SYNDIG1: variants seen among roughly 807,000 people sequenced by gnomAD.
SYNDIG1 encodes synapse differentiation inducing 1.
Under a neutral mutation model 19.4 loss-of-function variants are expected in SYNDIG1, and 9 were observed. The ratio of observed to expected loss-of-function variants is 0.46; its 90% CI spans 0.28 to 0.81. The LOEUF is 0.81. Ranked by LOEUF, SYNDIG1 falls within the 30% of genes least tolerant of loss-of-function variation. The pLI is 0.12. For synonymous variants in SYNDIG1, 141 were observed against 145.9 expected, an observed-to-expected ratio of 0.97 and a Z score of 0.24; for missense variants, 311 against 343.3, an observed-to-expected ratio of 0.91 and a Z score of 0.74.
chr20:24,650,447 C>T (rs1435798321), intron 3 of SYNDIG1, among the ~76,000 whole-genome samples: 3 of 152,250 alleles, frequency 2.0e-5, no homozygotes, highest in Non-Finnish European at 2.9e-5. Flanking sequence ...TGTGCTCCCA[C>T]GCAGTCATCA....
chr20:24,608,728 T>G (rs1436072716), intron 3 of SYNDIG1, among the ~76,000 whole-genome samples: 1 of 152,214 alleles, frequency 6.6e-6, no homozygotes, highest in Non-Finnish European at 1.5e-5. Context: ...AGGCAACAAG[T>G]ACCTCTCAGA....
At chr20:24,511,402 T>C (rs2056739329) in intron 1 of SYNDIG1, among the ~76,000 whole-genome samples, 1 of 152,196 alleles carries the variant, frequency 6.6e-6, no homozygotes. Flanking sequence ...AGCATAGAAC[T>C]TTCCCAGCAC....
rs2059010008 is a variant in SYNDIG1 at position 24,619,767 on chromosome 20, T to G, written c.618+34774T>G. Reference sequence around the variant, plus strand: ...CCATTAAAGGAAAGTCATCTTTTAGTGACCAGAACATACTGTATCCCAGAC... The same window carrying G: ...CCATTAAAGGAAAGTCATCTTTTAGGGACCAGAACATACTGTATCCCAGAC... On this transcript the variant is annotated intron_variant, in intron 3 of 3. Coordinates refer to ENST00000376862, the MANE Select transcript of SYNDIG1 (RefSeq NM_024893.3). 2.6e-5 allele frequency among the ~76,000 whole-genome samples: 4 copies of G among 152,228 alleles called. No homozygotes were observed. In the South Asian group the frequency reaches 8.3e-4, roughly 31 times the overall value.
chr20:24,642,435 C>T (rs553703159), intron 3 of SYNDIG1, among the ~76,000 whole-genome samples: 1 of 152,262 alleles, frequency 6.6e-6, no homozygotes, highest in South Asian at 2.1e-4. Context: ...TAGGAAGTCA[C>T]CGCACAGCCC....
intron 1 of SYNDIG1, among the ~76,000 whole-genome samples, chr20:24,525,949 G>T (rs1490288416): frequency 6.6e-6 from 1 of 152,000 alleles, no homozygotes; most frequent in African/African-American, 2.4e-5. Flanking sequence ...ACGGTTAATT[G>T]GATCTCTCTC....
At chr20:24,599,026 A>T (rs2058638444) in intron 3 of SYNDIG1, among the ~76,000 whole-genome samples, 1 of 152,252 alleles carries the variant, frequency 6.6e-6, no homozygotes, top group Admixed American at 6.5e-5. Context: ...GCACAGCAAA[A>T]GAAATATTCA....
At chr20:24,538,239 A>G (rs1005901273) in intron 1 of SYNDIG1, among the ~76,000 whole-genome samples, 5 of 152,094 alleles carry the variant, frequency 3.3e-5, no homozygotes, top group African/African-American at 1.2e-4. Flanking sequence ...TTTTCATTCC[A>G]TACCTATTAA....
chr20:24,608,030 A>G (rs1600732290), intron 3 of SYNDIG1, among the ~76,000 whole-genome samples: 1 of 152,332 alleles, frequency 6.6e-6, no homozygotes, highest in East Asian at 1.9e-4. Flanking sequence ...TTCGGCAGCT[A>G]AACCCTCTAG....
chr20:24,526,258 T>C (rs1433109785), intron 1 of SYNDIG1, among the ~76,000 whole-genome samples: 1 of 152,148 alleles, frequency 6.6e-6, no homozygotes, highest in Admixed American at 6.5e-5. Context: ...TAGTTTTCTA[T>C]TTAGAATTTG....
intron 1 of SYNDIG1, among the ~76,000 whole-genome samples, chr20:24,501,434 T>C (rs2056451862): frequency 6.6e-6 from 1 of 152,292 alleles, no homozygotes; most frequent in East Asian, 1.9e-4. Flanking sequence ...TTCACGGATA[T>C]CGTTGATCAC....
chr20:24,657,130 CT>C (rs1430179275), intron 3 of SYNDIG1, among the ~76,000 whole-genome samples: 1 of 152,194 alleles, frequency 6.6e-6, no homozygotes, highest in East Asian at 1.9e-4. Context: ...GAAGGATGAG[CT>C]ACTTAAATCT....
At chr20:24,640,478 G>T (rs1322317130) in intron 3 of SYNDIG1, among the ~76,000 whole-genome samples, 1 of 23,296 alleles carries the variant, frequency 4.3e-5, no homozygotes, top group East Asian at 1.2e-3. Context: ...GGGAAAGAAG[G>T]AAGGAAGGAA....
intron 3 of SYNDIG1, among the ~76,000 whole-genome samples, chr20:24,654,650 G>GAGGAAGTA (rs2059505469): frequency 8.5e-6 from 1 of 117,352 alleles, no homozygotes; most frequent in African/African-American, 3.4e-5. Context: ...GGGAGGGAGG[G>GAGGAAGTA]AGGAAGGAAG....
chr20:24,596,002 G>C (rs1235865535), intron 3 of SYNDIG1, among the ~76,000 whole-genome samples: 1 of 151,976 alleles, frequency 6.6e-6, no homozygotes, highest in Non-Finnish European at 1.5e-5. Flanking sequence ...TGCTAGCTTT[G>C]GGGTTGGTTT....
At position 24,487,561 on chromosome 20, in the gene SYNDIG1, T is replaced by C. The variant is rs1397061670; in HGVS notation, c.-79+17808T>C. On this transcript the variant is annotated intron_variant, in intron 1 of 3. Transcript: ENST00000376862. ...CAAAGGGTCCAGCGCACTTTTTTCA[T>C]GCAGTGGGACTAAAGAAATGAATCC... 3.9e-5 allele frequency among the ~76,000 whole-genome samples: 6 copies of C among 152,302 alleles called. No homozygotes were observed. The South Asian group carries it at 1.0e-3, about 26-fold the overall frequency.
At chr20:24,523,772 C>A (rs2057057062) in intron 1 of SYNDIG1, among the ~76,000 whole-genome samples, 1 of 152,150 alleles carries the variant, frequency 6.6e-6, no homozygotes, top group Non-Finnish European at 1.5e-5. Context: ...AGGAAAGAAA[C>A]CTGTGCCTTC....
Position 24,584,111 on chromosome 20 carries a change from C to T in SYNDIG1, c.481-745C>T, listed in dbSNP as rs371069386. 5.3e-5 allele frequency among the ~76,000 whole-genome samples: 8 copies of T among 152,304 alleles called. No homozygotes were observed. In the East Asian group the frequency reaches 9.7e-4, roughly 18 times the overall value. ...ATTCCCTGCTCCCAGCACACCCCTT[C>T]TCCATCAGAACCCCCAGGAGAGTCT... On this transcript the variant is annotated intron_variant, in intron 2 of 3. Coordinates refer to ENST00000376862, the MANE Select transcript of SYNDIG1 (RefSeq NM_024893.3).
intron 3 of SYNDIG1, among the ~76,000 whole-genome samples, chr20:24,627,917 C>T (rs905259729): frequency 3.3e-5 from 5 of 152,190 alleles, no homozygotes; most frequent in African/African-American, 7.2e-5. Flanking sequence ...CGGAGAGCAG[C>T]GTAGTGATGA....
chr20:24,486,752 G>A (rs1001960819), intron 1 of SYNDIG1, among the ~76,000 whole-genome samples: 5 of 151,804 alleles, frequency 3.3e-5, no homozygotes, highest in East Asian at 1.9e-4. Context: ...TCCACCTCCC[G>A]GGTTCAAGCG....
Sources: gnomAD v4.1 joint callset for allele counts (sites outside exome capture counted in the v4.1 genomes callset) on GRCh38, gnomAD v4.1.1 for gene constraint, MANE v1.5 for transcripts, NCBI Gene and HGNC (gene_info 2026-07-23, HGNC 2026-07-21) for gene names.